The following MECOM variants were observed in gnomAD, a reference collection of about 807,000 sequenced individuals.
MECOM encodes the protein histone-lysine N-methyltransferase MECOM.
MECOM carries 13 observed loss-of-function variants against 116.3 expected under a neutral mutation model. The ratio of observed to expected loss-of-function variants is 0.11; its 90% CI spans 0.07 to 0.18. The LOEUF is 0.18. Ranked by LOEUF, MECOM falls within the 10% of genes least tolerant of loss-of-function variation. The pLI is 1.00. For missense variants in MECOM, 1,299 were observed against 1,509.0 expected, an observed-to-expected ratio of 0.86 and a Z score of 2.31; for synonymous variants, 528 against 535.2, an observed-to-expected ratio of 0.99 and a Z score of 0.19.
intron 9 of MECOM, among the ~76,000 whole-genome samples, chr3:169,108,873 A>G (rs1726333215): frequency 6.6e-6 from 1 of 152,202 alleles, no homozygotes; most frequent in South Asian, 2.1e-4. Context: ...TAAAAGAAAG[A>G]AAATATAAAA....
At position 169,456,373 on chromosome 3, in the gene MECOM, G is replaced by T. The variant is rs138207974; in HGVS notation, c.38-74849C>A. Among the ~76,000 whole-genome samples the T allele has an allele frequency of 1.6e-3, 251 of 152,272 alleles. 7 individuals are homozygous for T. Among genetic ancestry groups the T allele is most frequent in the African/African-American group, 4.1e-3 (171 of 41,566 alleles). ...GCAGCAGAAGTGGGTTTAGATTCCAGACCCCCTAGTTGACAAATCAAGGCA... is the reference window on the plus strand; with the variant it reads ...GCAGCAGAAGTGGGTTTAGATTCCATACCCCCTAGTTGACAAATCAAGGCA... On this transcript the variant is annotated intron_variant, in intron 1 of 16. Coordinates refer to ENST00000651503, the MANE Select transcript of MECOM (RefSeq NM_004991.4).
chr3:169,653,033 TGGG>T (rs1775105971), intron 1 of MECOM, among the ~76,000 whole-genome samples: 1 of 152,184 alleles, frequency 6.6e-6, no homozygotes, highest in South Asian at 2.1e-4. Flanking sequence ...TGAGGGGTCA[TGGG>T]CAATACCTGC....
chr3:169,175,759 A>C (rs1423230407), intron 2 of MECOM, among the ~76,000 whole-genome samples: 1 of 152,164 alleles, frequency 6.6e-6, no homozygotes, highest in Admixed American at 6.5e-5. Context: ...ATAGGAGTAA[A>C]ATATTTAAGA....
At chr3:169,648,055 T>C (rs1231788205) in intron 1 of MECOM, among the ~76,000 whole-genome samples, 1 of 152,140 alleles carries the variant, frequency 6.6e-6, no homozygotes, top group Admixed American at 6.5e-5. Context: ...ACAGAGAGCA[T>C]TTTCCTCTTA....
chr3:169,301,939 G>A (rs1049000748), intron 2 of MECOM, among the ~76,000 whole-genome samples: 8 of 152,186 alleles, frequency 5.3e-5, no homozygotes, highest in African/African-American at 1.7e-4. Flanking sequence ...CATCAGTGCA[G>A]CTTGTTTAAA....
chr3:169,387,206 G>T (rs1037889501), intron 1 of MECOM, among the ~76,000 whole-genome samples: 2 of 152,056 alleles, frequency 1.3e-5, no homozygotes, highest in Non-Finnish European at 2.9e-5. Context: ...TTTCATAGTT[G>T]CTTTTCTACC....
intron 2 of MECOM, among the ~76,000 whole-genome samples, chr3:169,377,667 A>G (rs1019824588): frequency 4.6e-5 from 7 of 152,204 alleles, no homozygotes; most frequent in Non-Finnish European, 7.3e-5. Context: ...AAAAGTCAGG[A>G]AACAACAGAT....
intron 2 of MECOM, among the ~76,000 whole-genome samples, chr3:169,228,062 C>T (rs1752954075): frequency 6.6e-6 from 1 of 152,162 alleles, no homozygotes; most frequent in Non-Finnish European, 1.5e-5. Flanking sequence ...CTCATCACAA[C>T]AGACGGAACC....
At chr3:169,637,543 C>T (rs146264037) in intron 1 of MECOM, among the ~76,000 whole-genome samples, 12 of 152,280 alleles carry the variant, frequency 7.9e-5, no homozygotes, top group African/African-American at 2.6e-4. Context: ...CTATGGATGA[C>T]TCAAAACTCT....
Position 169,142,380 on chromosome 3 carries a change from G to T in MECOM, c.510+1318C>A, listed in dbSNP as rs1336060465. Among the ~76,000 whole-genome samples the T allele has an allele frequency of 2.6e-5, 4 of 151,834 alleles. No homozygotes were observed. In the East Asian group the frequency reaches 5.8e-4, roughly 22 times the overall value. On this transcript the variant is annotated intron_variant, in intron 3 of 16. Coordinates refer to ENST00000651503, the MANE Select transcript of MECOM (RefSeq NM_004991.4). ...TGAGGTCCTCCAGTTCCTTTTGTAA[G>T]GAGTATAACATTAATTCACTCACAA... is the stretch of plus-strand genomic sequence containing the variant.
At chr3:169,487,350 A>T (rs149543556) in intron 1 of MECOM, among the ~76,000 whole-genome samples, 32 of 151,954 alleles carry the variant, frequency 2.1e-4, no homozygotes, top group Middle Eastern at 3.4e-3. Flanking sequence ...TGAAACGAAA[A>T]CACTTGGCAG....
At chr3:169,176,236 T>C (rs1745149448) in intron 2 of MECOM, among the ~76,000 whole-genome samples, 2 of 152,032 alleles carry the variant, frequency 1.3e-5, no homozygotes, top group South Asian at 4.1e-4. Flanking sequence ...TTGGACAAGC[T>C]AGCTTTAGCA....
chr3:169,151,556 G>A (rs1442215844), intron 2 of MECOM, among the ~76,000 whole-genome samples: 1 of 152,134 alleles, frequency 6.6e-6, no homozygotes, highest in Non-Finnish European at 1.5e-5. Flanking sequence ...TTCTCAAGTG[G>A]AGTTTTATTC....
chr3:169,567,351 C>T (rs1050707034), intron 1 of MECOM, among the ~76,000 whole-genome samples: 1 of 152,208 alleles, frequency 6.6e-6, no homozygotes, highest in Non-Finnish European at 1.5e-5. Flanking sequence ...TCCCATCACC[C>T]CCACTCTCGT....
At position 169,378,219 on chromosome 3, in the gene MECOM, G is replaced by A. The variant is rs576532788; in HGVS notation, c.375+2968C>T. Among the ~76,000 whole-genome samples the A allele has an allele frequency of 7.3e-5, 11 of 151,260 alleles. No homozygotes were observed. The East Asian group carries it at 1.2e-3, about 16-fold the overall frequency. ...GATAACATTATGAGAAATACCTAAT[G>A]TAGATGACGGGTTGATGGGTGCAGC... On this transcript the variant is annotated intron_variant, in intron 2 of 16. Transcript: ENST00000651503.
At chr3:169,529,291 T>C (rs1020280041) in intron 1 of MECOM, among the ~76,000 whole-genome samples, 2 of 152,064 alleles carry the variant, frequency 1.3e-5, no homozygotes, top group African/African-American at 4.8e-5. Context: ...CAGAAATACA[T>C]TTCTTGAAAG....
chr3:169,100,389 A>G (rs1408978916), intron 12 of MECOM, among the ~76,000 whole-genome samples: 2 of 152,036 alleles, frequency 1.3e-5, no homozygotes, highest in African/African-American at 2.4e-5. Flanking sequence ...GTCAGCCACC[A>G]TGCCCAGCCT....
chr3:169,298,117 G>A (rs1003364038), intron 2 of MECOM, among the ~76,000 whole-genome samples: 2 of 152,052 alleles, frequency 1.3e-5, no homozygotes, highest in African/African-American at 4.8e-5. Context: ...TTAGAGGGTG[G>A]GAGAAGAACC....
intron 1 of MECOM, among the ~76,000 whole-genome samples, chr3:169,572,256 G>A (rs1467304798): frequency 7.2e-5 from 11 of 152,134 alleles, no homozygotes; most frequent in Admixed American, 6.5e-4. Context: ...ATCATCACTG[G>A]TCATTAGAGA....
Sources: allele counts gnomAD v4.1 joint callset (sites outside exome capture counted in the v4.1 genomes callset), GRCh38; gene constraint gnomAD v4.1.1; transcripts MANE v1.5; gene names NCBI Gene and HGNC (gene_info 2026-07-23, HGNC 2026-07-21).